Variants in RAD51B observed in about 807,000 individuals in gnomAD.
RAD51B encodes DNA repair protein RAD51 homolog 2.
RAD51B carries 38 observed loss-of-function variants against 42.2 expected under a neutral mutation model. The ratio of observed to expected loss-of-function variants is 0.90; its 90% CI spans 0.70 to 1.18. RAD51B has a LOEUF of 1.18. Ranked by LOEUF, RAD51B falls within the 50% of genes most tolerant of loss-of-function variation. The pLI is 0.00. For missense variants in RAD51B, 373 were observed against 400.7 expected (o/e 0.93, Z 0.59); for synonymous variants, 154 against 145.2 (o/e 1.06, Z -0.43).
intron 7 of RAD51B, among the ~76,000 whole-genome samples, chr14:68,034,430 C>T (rs2076091447): frequency 6.6e-6 from 1 of 152,036 alleles, no homozygotes; most frequent in Non-Finnish European, 1.5e-5. Context: ...TGCCACCATG[C>T]CCAGTTAATT....
chr14:68,572,205 A>T (rs1210171950), intron 10 of RAD51B, among the ~76,000 whole-genome samples: 1 of 152,192 alleles, frequency 6.6e-6, no homozygotes, highest in Non-Finnish European at 1.5e-5. Flanking sequence ...TCTCGAATCC[A>T]GATATACTAG....
At chr14:68,277,668 C>G (rs2081249872) in intron 7 of RAD51B, among the ~76,000 whole-genome samples, 1 of 152,034 alleles carries the variant, frequency 6.6e-6, no homozygotes, top group African/African-American at 2.4e-5. Flanking sequence ...GTAAATAATT[C>G]TTATCTATTA....
In RAD51B at chr14:67,864,983, T is replaced by C; in HGVS notation, c.316-20T>C. Reference sequence around the variant, plus strand: ...AAACTTTTTTTTTTTTTTTTTTTTTTTTTTTTTTTTTTTTTTTAGATTACA... The same window carrying C: ...AAACTTTTTTTTTTTTTTTTTTTTTCTTTTTTTTTTTTTTTTTAGATTACA... On this transcript the variant is annotated intron_variant, in intron 4 of 10. Coordinates refer to ENST00000471583, the MANE Select transcript of RAD51B (RefSeq NM_133510.4). 1 of 1,253,624 alleles carries C rather than the reference T, an allele frequency of 8.0e-7. No homozygotes were observed. The highest frequency in any genetic ancestry group is 1.0e-6 in the Non-Finnish European group (1 of 981,466). 77.7% of individuals were successfully genotyped at this position (1,253,624 alleles called of 1,614,324 possible). A position where few individuals can be genotyped will look rare whatever the true frequency, so the allele number is the denominator to read the frequency against.
At chr14:68,657,049 A>G (rs1465934871) in intron 11 of RAD51B, among the ~76,000 whole-genome samples, 3 of 152,222 alleles carry the variant, frequency 2.0e-5, no homozygotes, top group Non-Finnish European at 4.4e-5. Context: ...AGAAGTTTCT[A>G]CAAAGATGGA....
chr14:68,631,792 G>A (rs972969997), intron 10 of RAD51B, among the ~76,000 whole-genome samples: 3 of 152,104 alleles, frequency 2.0e-5, no homozygotes, highest in East Asian at 1.9e-4. Context: ...TGAAGACGCC[G>A]CTCAGGCTCC....
At chr14:67,839,684 T>C (rs989560054) in intron 4 of RAD51B, among the ~76,000 whole-genome samples, 23 of 152,178 alleles carry the variant, frequency 1.5e-4, no homozygotes, top group African/African-American at 5.3e-4. Context: ...ACCTCCTTTA[T>C]TTCTGCCATT....
chr14:68,414,891 G>C (rs534922420), intron 9 of RAD51B, among the ~76,000 whole-genome samples: 1 of 147,768 alleles, frequency 6.8e-6, no homozygotes, highest in Admixed American at 6.7e-5. Context: ...AAATAGCCAG[G>C]CGTGGTGGCG....
intron 9 of RAD51B, among the ~76,000 whole-genome samples, chr14:68,418,080 C>T (rs1405459105): frequency 1.3e-5 from 2 of 152,054 alleles, no homozygotes; most frequent in East Asian, 1.9e-4. Flanking sequence ...TTTTAAAAGG[C>T]GAAAGATTTA....
At position 68,189,465 on chromosome 14, in the gene RAD51B, AT is replaced by A. The variant is rs2079220786; in HGVS notation, c.757-102416del. Among the ~76,000 whole-genome samples the A allele has an allele frequency of 2.0e-5, 3 of 152,262 alleles. No homozygotes were observed. The South Asian group carries it at 6.2e-4, about 32-fold the overall frequency. ...TTGAGAGATTCAACCTAAAATATTG[AT>A]TTCCTAGTGGCAATTATAGATCAGT... On this transcript the variant is annotated intron_variant, in intron 7 of 10. Transcript: ENST00000471583.
rs77904844 is a variant in RAD51B at position 67,846,244 on chromosome 14, G to A, written c.315+11048G>A. Among the ~76,000 whole-genome samples, 1,092 of 152,284 alleles carry A rather than the reference G, an allele frequency of 7.2e-3. 17 individuals carry two copies. The highest frequency in any genetic ancestry group is 0.025 in the African/African-American group (1,044 of 41,556). On this transcript the variant is annotated intron_variant, in intron 4 of 10. Transcript: ENST00000471583. Reference sequence around the variant, plus strand: ...GTGGTGTTGGCGCATGGGGTAGTGCGGTGCTGGCAGGTACAGGGCTGCCAG... The same window carrying A: ...GTGGTGTTGGCGCATGGGGTAGTGCAGTGCTGGCAGGTACAGGGCTGCCAG...
At chr14:68,620,757 G>T (rs755866100) in intron 10 of RAD51B, among the ~76,000 whole-genome samples, 3 of 152,192 alleles carry the variant, frequency 2.0e-5, no homozygotes, top group Admixed American at 6.5e-5. Flanking sequence ...TCATGTTTCA[G>T]GTCCTCACCT....
intron 7 of RAD51B, among the ~76,000 whole-genome samples, chr14:68,001,241 T>C (rs947768421): frequency 1.2e-4 from 18 of 152,186 alleles, no homozygotes; most frequent in Admixed American, 1.3e-4. Flanking sequence ...TGGAATCATA[T>C]ATGCAGTAGC....
chr14:68,210,046 G>A (rs564711535), intron 7 of RAD51B, among the ~76,000 whole-genome samples: 3 of 149,920 alleles, frequency 2.0e-5, no homozygotes, highest in African/African-American at 4.9e-5. Flanking sequence ...TGCAACCTCC[G>A]CCACCCGGGT....
At chr14:68,487,020 T>C (rs1851438599) in intron 10 of RAD51B, among the ~76,000 whole-genome samples, 1 of 152,234 alleles carries the variant, frequency 6.6e-6, no homozygotes, top group Admixed American at 6.5e-5. Context: ...GTTAGGTGAC[T>C]GCCTGTTCAG....
At chr14:68,516,802 A>T (rs8022646) in intron 10 of RAD51B, among the ~76,000 whole-genome samples, 2,540 of 152,288 alleles carry the variant, frequency 0.017, 73 homozygotes, top group African/African-American at 0.057. Context: ...TTCAAATTTG[A>T]TATATTTCTT....
At chr14:68,459,968 G>T (rs1338087421) in intron 9 of RAD51B, among the ~76,000 whole-genome samples, 1 of 152,202 alleles carries the variant, frequency 6.6e-6, no homozygotes, top group Admixed American at 6.5e-5. Context: ...CATGACTGGT[G>T]TACAGGAAGC....
chr14:67,963,372 A>T (rs1486228107), intron 7 of RAD51B, among the ~76,000 whole-genome samples: 1 of 152,114 alleles, frequency 6.6e-6, no homozygotes. Flanking sequence ...ATATTTCTCA[A>T]TGGTGAGATT....
chr14:68,605,221 TGAGG>T (rs751058795), intron 10 of RAD51B, among the ~76,000 whole-genome samples: 2 of 150,620 alleles, frequency 1.3e-5, no homozygotes, highest in Non-Finnish European at 2.9e-5. Flanking sequence ...CTCGATGCAC[TGAGG>T]GAGAGCCTGT....
At chr14:68,316,570 G>A (rs2082067097) in intron 8 of RAD51B, among the ~76,000 whole-genome samples, 1 of 152,172 alleles carries the variant, frequency 6.6e-6, no homozygotes. Context: ...TAATTAGGAT[G>A]CAAGAAAGAG....
Sources: allele counts gnomAD v4.1 joint callset (sites outside exome capture counted in the v4.1 genomes callset), GRCh38; gene constraint gnomAD v4.1.1; transcripts MANE v1.5; gene names NCBI Gene and HGNC (gene_info 2026-07-23, HGNC 2026-07-21).